ZMYM4: variants seen among roughly 807,000 people sequenced by gnomAD.
The protein encoded by ZMYM4 is zinc finger MYM-type protein 4.
In ZMYM4, 31 loss-of-function variants were observed where a neutral mutation model predicts 183.2. The observed-to-expected ratio is 0.17, with a 90% CI of 0.13 to 0.23. The LOEUF (loss-of-function observed/expected upper bound fraction) is 0.23. Among genes scored for constraint, ZMYM4 ranks in the 10% least tolerant of loss-of-function variants. The pLI, the probability that ZMYM4 is intolerant of heterozygous loss-of-function variation, is 1.00. For synonymous variants in ZMYM4, 592 were observed against 631.2 expected (o/e 0.94, Z 0.93); for missense variants, 1,273 against 1,840.3 (o/e 0.69, Z 5.64).
rs375645953 is a variant in ZMYM4, at chr1:35,347,520, T to C, written c.86-11405T>C. On this transcript the variant is annotated intron_variant, in intron 2 of 29. Transcript: ENST00000314607. Reference sequence around the variant, plus strand: ...AAGGATTATTTTAACATTGCTTTCTTTTTTTTTTCCTGGATTATAAGGGGT... The same window carrying C: ...AAGGATTATTTTAACATTGCTTTCTCTTTTTTTTCCTGGATTATAAGGGGT... Among the ~76,000 whole-genome samples, 70 of 150,790 alleles carry C rather than the reference T, an allele frequency of 4.6e-4. 1 individual carries two copies. The highest frequency in any genetic ancestry group is 1.6e-3 in the African/African-American group (68 of 41,354).
chr1:35,400,935 G>T (rs1376414924), intron 23 of ZMYM4, among the ~76,000 whole-genome samples: 1 of 152,182 alleles, frequency 6.6e-6, no homozygotes, highest in Non-Finnish European at 1.5e-5. Flanking sequence ...GTTATTTCAT[G>T]TCCCAGTAGT....
chr1:35,377,278 T>TTCTCACTAAATATCCC (rs1644356387), intron 7 of ZMYM4, among the ~76,000 whole-genome samples: 1 of 152,220 alleles, frequency 6.6e-6, no homozygotes, highest in Non-Finnish European at 1.5e-5. Context: ...CTAAATATCC[T>TTCTCACTAAATATCCC]TCTCACTAAA....
intron 28 of ZMYM4, among the ~76,000 whole-genome samples, chr1:35,417,188 G>A (rs1640150760): frequency 6.7e-6 from 1 of 150,192 alleles, no homozygotes; most frequent in African/African-American, 2.5e-5. Flanking sequence ...AGTGAGCTGT[G>A]ATGGAGTCAC....
At chr1:35,276,101 A>G (rs1265495492) in intron 1 of ZMYM4, among the ~76,000 whole-genome samples, 1 of 152,146 alleles carries the variant, frequency 6.6e-6, no homozygotes, top group South Asian at 2.1e-4. Flanking sequence ...AGAACCCAGC[A>G]CATATCAAGA....
intron 1 of ZMYM4, among the ~76,000 whole-genome samples, chr1:35,277,424 C>T (rs981675245): frequency 6.6e-6 from 1 of 152,158 alleles, no homozygotes; most frequent in Non-Finnish European, 1.5e-5. Flanking sequence ...TGGAATTGTT[C>T]TAGACAAATT....
intron 7 of ZMYM4, among the ~76,000 whole-genome samples, chr1:35,374,667 C>CG (rs1261220143): frequency 2.1e-5 from 3 of 142,490 alleles, no homozygotes; most frequent in African/African-American, 7.8e-5. Context: ...GCCACATCTC[C>CG]GTCTCAAAAA....
chr1:35,269,075 C>T lies in ZMYM4; in HGVS notation c.29C>T (p.Pro10Leu). 1.9e-6 allele frequency: 3 copies of T among 1,549,482 alleles called. No individual in the cohort carries two copies. Among genetic ancestry groups the T allele is most frequent in the Non-Finnish European group, 2.6e-6 (3 of 1,146,716 alleles). ...GCGGAGAGAGAGGTGGAGTCCGGCC[C>T]CCGAAAGAGGGTAGGTGAGGTGAGG... MAEREVESG[P>L]RKRFEQKSGA... The change falls in exon 1 of 30, where the codon CCC (proline) becomes CTC (leucine). Residue 10 changes from proline (P) to leucine (L), a missense_variant. By Grantham distance (98) the Pro-to-Leu change is moderately conservative. This residue lies in a region of ZMYM4 where 384 missense variants were observed against 465.6 expected (regional missense o/e 0.82). Transcript: ENST00000314607.
At chr1:35,289,827 C>T (rs568440954) in intron 1 of ZMYM4, among the ~76,000 whole-genome samples, 5 of 152,142 alleles carry the variant, frequency 3.3e-5, no homozygotes, top group Non-Finnish European at 5.9e-5. Flanking sequence ...GGTCCAGATA[C>T]TTTTACCATA....
chr1:35,382,031 G>A (rs566225372), intron 9 of ZMYM4, among the ~76,000 whole-genome samples: 1 of 151,780 alleles, frequency 6.6e-6, no homozygotes, highest in East Asian at 1.9e-4. Context: ...TGTAATCCCA[G>A]CTACTCGGGA....
chr1:35,398,690 T>C (rs867936761), intron 21 of ZMYM4, among the ~76,000 whole-genome samples, 174 bp from the exon 22 acceptor site: 9 of 152,354 alleles, frequency 5.9e-5, no homozygotes, highest in Middle Eastern at 3.4e-3. Flanking sequence ...ACCAAAAATA[T>C]GAATCCAGTT....
chr1:35,276,908 A>G (rs754869424), intron 1 of ZMYM4, among the ~76,000 whole-genome samples: 4 of 152,186 alleles, frequency 2.6e-5, no homozygotes, highest in Non-Finnish European at 5.9e-5. Flanking sequence ...CACCCAGCCA[A>G]TAATCCCCTT....
At chr1:35,307,463 A>T (rs908289867) in intron 1 of ZMYM4, among the ~76,000 whole-genome samples, 3 of 151,698 alleles carry the variant, frequency 2.0e-5, no homozygotes, top group African/African-American at 4.8e-5. Flanking sequence ...ATCTGCAAAC[A>T]CATGCAGTAC....
intron 1 of ZMYM4, among the ~76,000 whole-genome samples, chr1:35,272,474 T>G (rs912251201): frequency 6.6e-6 from 1 of 152,168 alleles, no homozygotes; most frequent in Non-Finnish European, 1.5e-5. Context: ...CTGGACATCT[T>G]GTGACCTCTA....
At chr1:35,273,477 T>A (rs1380788691) in intron 1 of ZMYM4, among the ~76,000 whole-genome samples, 1 of 152,214 alleles carries the variant, frequency 6.6e-6, no homozygotes, top group African/African-American at 2.4e-5. Context: ...GGCCATATTT[T>A]GTTGTAAAAT....
At chr1:35,312,367 C>G (rs1317858796) in intron 1 of ZMYM4, among the ~76,000 whole-genome samples, 1 of 152,066 alleles carries the variant, frequency 6.6e-6, no homozygotes, top group Non-Finnish European at 1.5e-5. Flanking sequence ...AAATAATATA[C>G]CTTTTTATAC....
At chr1:35,298,070 C>T (rs968320909) in intron 1 of ZMYM4, among the ~76,000 whole-genome samples, 1 of 152,208 alleles carries the variant, frequency 6.6e-6, no homozygotes, top group Admixed American at 6.5e-5. Flanking sequence ...TGGAATAAAT[C>T]TGGATGATGG....
chr1:35,344,297 A>G (rs1365587470), intron 2 of ZMYM4, among the ~76,000 whole-genome samples: 1 of 151,938 alleles, frequency 6.6e-6, no homozygotes. Flanking sequence ...CAAGTGATCC[A>G]CCTGCCTCGA....
chr1:35,371,338 G>A (rs540034350), intron 7 of ZMYM4, among the ~76,000 whole-genome samples: 3 of 151,920 alleles, frequency 2.0e-5, no homozygotes, highest in Admixed American at 6.6e-5. Context: ...GGATGGTCTC[G>A]ATCTCCTGAC....
At chr1:35,329,188 C>T (rs971351798) in intron 2 of ZMYM4, among the ~76,000 whole-genome samples, 1 of 152,304 alleles carries the variant, frequency 6.6e-6, no homozygotes, top group South Asian at 2.1e-4. Flanking sequence ...TCCAAAGATA[C>T]AATATCTTCA....
Sources: allele counts gnomAD v4.1 joint callset (sites outside exome capture counted in the v4.1 genomes callset), GRCh38; gene constraint gnomAD v4.1.1; regional missense constraint gnomAD v4.1.1; transcripts MANE v1.5; gene names NCBI Gene and HGNC (gene_info 2026-07-23, HGNC 2026-07-21).